PKD1L3: variants seen among roughly 807,000 people sequenced by gnomAD.
PKD1L3 encodes polycystin-1-like protein 3.
PKD1L3 carries 239 observed loss-of-function variants against 184.1 expected under a neutral mutation model. That is an observed-to-expected ratio of 1.30 (90% CI 1.17 to 1.45). The LOEUF (loss-of-function observed/expected upper bound fraction) is 1.45. Among genes scored for constraint, PKD1L3 ranks in the 40% most tolerant of loss-of-function variants. PKD1L3 has a pLI of 0.00. For missense variants in PKD1L3, 2,660 were observed against 2,067.2 expected (o/e 1.29, Z -5.56); for synonymous variants, 996 against 778.8 (o/e 1.28, Z -4.64).
rs1368182154 is a variant in PKD1L3, at chr16:71,933,848, A to G, written c.4824+67T>C. The G allele has an allele frequency of 1.4e-5, 21 of 1,500,362 alleles. No homozygotes were observed. The Admixed American group carries it at 1.6e-4, about 11-fold the overall frequency. 92.9% of individuals were successfully genotyped at this position (1,500,362 alleles called of 1,614,324 possible). On this transcript the variant is annotated intron_variant, in intron 27 of 29. Transcript: ENST00000620267. Reference sequence around the variant, plus strand: ...GGGTTTCTGTGTTGTGACCATTTCTATGGGAAGCGATGCGATTCCAAGACC... The same window carrying G: ...GGGTTTCTGTGTTGTGACCATTTCTGTGGGAAGCGATGCGATTCCAAGACC...
chr16:71,959,084 C>CAA (rs34063785), intron 16 of PKD1L3, among the ~76,000 whole-genome samples: 36,722 of 76,662 alleles, frequency 0.48, 8,403 homozygotes, highest in South Asian at 0.59. Context: ...ACTCCCGTCT[C>CAA]AAAAAAAAAA....
chr16:71,943,796 T>C (rs2038454794), intron 23 of PKD1L3, among the ~76,000 whole-genome samples: 1 of 152,194 alleles, frequency 6.6e-6, no homozygotes, highest in African/African-American at 2.4e-5. Flanking sequence ...TTATTACATT[T>C]TGCAGGTGGA....
At chr16:71,974,663 G>A (rs546453579) in intron 11 of PKD1L3, among the ~76,000 whole-genome samples, 2 of 152,278 alleles carry the variant, frequency 1.3e-5, no homozygotes, top group African/African-American at 2.4e-5. Flanking sequence ...CACCCTGGGC[G>A]ACACAGTGAG....
At chr16:71,964,095 T>C (rs2039397238) in intron 15 of PKD1L3, among the ~76,000 whole-genome samples, 1 of 148,428 alleles carries the variant, frequency 6.7e-6, no homozygotes, top group African/African-American at 2.5e-5. Flanking sequence ...CCATAGGCCC[T>C]GAGAGCTCAT....
rs546749012 is a variant in PKD1L3 at position 71,955,635 on chromosome 16, C to T, written c.2613-1334G>A. On this transcript the variant is annotated intron_variant, in intron 16 of 29. Transcript: ENST00000620267. ...AGTGGTGTGCAGGTGCACACCACTA[C>T]ACCTAATAGGGCTTAGCTGTATCCC... 1.4e-3 allele frequency among the ~76,000 whole-genome samples: 207 copies of T among 152,108 alleles called. 1 individual carries two copies. The highest frequency in any genetic ancestry group is 2.5e-3 in the Non-Finnish European group (170 of 67,990).
chr16:71,930,790 A>G (rs2037925417), intron 28 of PKD1L3: 1 of 152,130 alleles, frequency 6.6e-6, no homozygotes, highest in Admixed American at 6.5e-5. Flanking sequence ...TAAAATTTAG[A>G]TGTTCTTTTT....
At position 71,985,264 on chromosome 16, in the gene PKD1L3, C is replaced by T. The variant is rs142481017; in HGVS notation, c.834+957G>A. Among the ~76,000 whole-genome samples, 980 of 152,190 alleles carry T rather than the reference C, an allele frequency of 6.4e-3. 3 individuals are homozygous for T. Among genetic ancestry groups the T allele is most frequent in the Non-Finnish European group, 0.01 (683 of 68,010 alleles). ...GTCAGTTTCTCCCCCAAATAGAACA[C>T]TGAATTTCCATTACCATTGCAAGCA... On this transcript the variant is annotated intron_variant, in intron 5 of 29. Transcript: ENST00000620267.
intron 24 of PKD1L3, among the ~76,000 whole-genome samples, chr16:71,941,168 T>G (rs906982672): frequency 6.6e-6 from 1 of 152,044 alleles, no homozygotes; most frequent in Non-Finnish European, 1.5e-5. Context: ...GCCAGGCACT[T>G]GAACCTCTAA....
Position 71,929,616 on chromosome 16 carries a change from C to T in PKD1L3, c.5121G>A (p.Trp1707Ter). Reference protein sequence around the residue: ...QKLSNLLGISWPQKTSSEQAA... With the variant: ...QKLSNLLGIS ...CTTGCTCAGATGAGGTTTTTTGGGG[C>T]CAACTGATTCCTAACAAATTTGAGA... Residue 1707 changes from tryptophan to a stop codon, truncating the protein, a stop_gained, in exon 30 of 30, where the codon TGG becomes TGA. Coordinates refer to ENST00000620267, the MANE Select transcript of PKD1L3 (RefSeq NM_181536.2). LOFTEE classifies it low-confidence loss of function (END_TRUNC). 2 of 1,551,708 alleles carry T rather than the reference C, an allele frequency of 1.3e-6. No homozygotes were observed. The highest frequency in any genetic ancestry group is 1.7e-6 in the Non-Finnish European group (2 of 1,146,914).
intron 25 of PKD1L3, among the ~76,000 whole-genome samples, chr16:71,936,407 T>G (rs2038178214): frequency 6.6e-6 from 1 of 152,014 alleles, no homozygotes; most frequent in Admixed American, 6.5e-5. Context: ...TTCGCCATGT[T>G]GGCCAGGCTG....
intron 16 of PKD1L3, among the ~76,000 whole-genome samples, chr16:71,960,548 A>T (rs2039237673): frequency 7.5e-6 from 1 of 134,184 alleles, no homozygotes; most frequent in Non-Finnish European, 1.7e-5. Flanking sequence ...TAATAAAAAA[A>T]AAAGTATCCA....
At chr16:71,953,598 C>CT (rs968913620) in intron 17 of PKD1L3, among the ~76,000 whole-genome samples, 15 of 152,106 alleles carry the variant, frequency 9.9e-5, no homozygotes, top group Non-Finnish European at 1.2e-4. Context: ...CTGCCACACA[C>CT]TTTTTTTTAA....
intron 28 of PKD1L3, 54 bp downstream of exon 28, chr16:71,933,366 A>G (rs1324771359): frequency 7.3e-6 from 10 of 1,365,342 alleles, no homozygotes; most frequent in Admixed American, 2.0e-5. Context: ...GACCCCCCCA[A>G]TTTTCCTTGT....
intron 16 of PKD1L3, among the ~76,000 whole-genome samples, chr16:71,962,551 A>T (rs1454815864): frequency 1.3e-5 from 2 of 152,198 alleles, no homozygotes; most frequent in African/African-American, 4.8e-5. Context: ...TGCAGTGGCA[A>T]TCTTGGCTCA....
chr16:71,970,209 T>A, intron 12 of PKD1L3, 104 bp from the exon 13 acceptor site: 1 of 884,966 alleles, frequency 1.1e-6, no homozygotes, highest in Middle Eastern at 2.7e-4. Context: ...AGGTATCTGG[T>A]TCTCTCATTC....
At chr16:71,959,220 C>T (rs1281373159) in intron 16 of PKD1L3, among the ~76,000 whole-genome samples, 4 of 151,856 alleles carry the variant, frequency 2.6e-5, no homozygotes, top group African/African-American at 2.4e-5. Context: ...GAGACCAGCC[C>T]GACCAACATG....
At chr16:71,987,993 A>G (rs1295264844) in intron 4 of PKD1L3, among the ~76,000 whole-genome samples, 2 of 152,166 alleles carry the variant, frequency 1.3e-5, no homozygotes, top group Non-Finnish European at 2.9e-5. Context: ...GGAGTGTCAT[A>G]TATCAGGCAG....
At chr16:71,987,575 C>A (rs1318201066) in intron 4 of PKD1L3, among the ~76,000 whole-genome samples, 6 of 151,970 alleles carry the variant, frequency 3.9e-5, no homozygotes, top group African/African-American at 7.3e-5. Context: ...GTTTCACCAC[C>A]ATGTTGCCCA....
At chr16:71,956,849 T>G (rs2039069174) in intron 16 of PKD1L3, among the ~76,000 whole-genome samples, 1 of 152,182 alleles carries the variant, frequency 6.6e-6, no homozygotes, top group Admixed American at 6.6e-5. Context: ...GTAAAAACAG[T>G]GTAAACATAC....
Sources: allele counts gnomAD v4.1 joint callset (sites outside exome capture counted in the v4.1 genomes callset), GRCh38; gene constraint gnomAD v4.1.1; transcripts MANE v1.5; gene names NCBI Gene and HGNC (gene_info 2026-07-23, HGNC 2026-07-21).